The following NRG1 variants were observed in gnomAD, a reference collection of about 807,000 sequenced individuals.
NRG1 encodes pro-neuregulin-1, membrane-bound isoform.
Under a neutral mutation model 63.8 loss-of-function variants are expected in NRG1, and 18 were observed. The observed-to-expected ratio is 0.28, with a 90% CI of 0.19 to 0.42. The LOEUF (loss-of-function observed/expected upper bound fraction) is 0.42, where lower values mean the gene tolerates loss of function less well. Ranked by LOEUF, NRG1 falls within the 10% of genes least tolerant of loss-of-function variation. The probability of loss-of-function intolerance (pLI) is 1.00; values close to 1 mark genes in which losing one functional copy is unlikely to be tolerated. For missense variants in NRG1, 762 were observed against 814.7 expected, an observed-to-expected ratio of 0.94 and a Z score of 0.79; for synonymous variants, 302 against 301.3, an observed-to-expected ratio of 1.00 and a Z score of -0.02.
intron 1 of NRG1, among the ~76,000 whole-genome samples, chr8:32,401,015 A>G (rs919756701): frequency 6.6e-6 from 1 of 152,198 alleles, no homozygotes; most frequent in South Asian, 2.1e-4. Flanking sequence ...GCTGGAGGCC[A>G]TTATCCTAAG....
At chr8:32,032,566 A>G (rs1270938051) in intron 1 of NRG1, among the ~76,000 whole-genome samples, 1 of 152,192 alleles carries the variant, frequency 6.6e-6, no homozygotes, top group East Asian at 1.9e-4. Flanking sequence ...TCACTCAGCC[A>G]TGAATATCTT....
intron 1 of NRG1, among the ~76,000 whole-genome samples, chr8:32,572,303 A>G (rs1055762323): frequency 6.6e-6 from 1 of 152,208 alleles, no homozygotes; most frequent in African/African-American, 2.4e-5. Flanking sequence ...TTTTATAAGC[A>G]ATGTGAATGA....
At chr8:32,465,726 G>C (rs11778359) in intron 1 of NRG1, among the ~76,000 whole-genome samples, 1 of 149,570 alleles carries the variant, frequency 6.7e-6, no homozygotes, top group African/African-American at 2.4e-5. Context: ...CTGAAGAGAA[G>C]TATTCAGGAA....
intron 1 of NRG1, among the ~76,000 whole-genome samples, chr8:31,680,186 A>G (rs942353504): frequency 7.9e-5 from 12 of 151,944 alleles, no homozygotes; most frequent in Non-Finnish European, 1.5e-4. Flanking sequence ...ACATGTGCAC[A>G]ATGTGCAGGT....
chr8:32,421,472 G>A (rs964354885), intron 1 of NRG1, among the ~76,000 whole-genome samples: 5 of 152,160 alleles, frequency 3.3e-5, no homozygotes, highest in African/African-American at 1.2e-4. Context: ...TCACAGGCAC[G>A]CCGCATGATG....
In NRG1 at chr8:31,913,100, G is replaced by T. The variant is rs188746432; in HGVS notation, c.37+273669G>T. Among the ~76,000 whole-genome samples, 24 of 152,246 alleles carry T rather than the reference G, an allele frequency of 1.6e-4. No individual in the cohort carries two copies. The East Asian group carries it at 4.6e-3, about 29-fold the overall frequency. ...CCTCTTTTGCTAATTGGGCACTGAG[G>T]TTTAAAGAGGTTAAGTTAATTTCTC... is the stretch of plus-strand genomic sequence containing the variant. On this transcript the variant is annotated intron_variant, in intron 1 of 10. Transcript: ENST00000519301.
intron 1 of NRG1, among the ~76,000 whole-genome samples, chr8:32,389,692 A>C (rs1460809193): frequency 6.6e-6 from 1 of 151,656 alleles, no homozygotes; most frequent in South Asian, 2.1e-4. Context: ...AATCAGAGTG[A>C]TATTGCTTCC....
At chr8:32,202,212 A>G (rs906419088) in intron 1 of NRG1, among the ~76,000 whole-genome samples, 15 of 152,346 alleles carry the variant, frequency 9.8e-5, no homozygotes, top group Admixed American at 8.5e-4. Context: ...AAAAGGAAAA[A>G]AAGAGGTTAG....
chr8:31,692,887 T>C (rs1809671894), intron 1 of NRG1, among the ~76,000 whole-genome samples: 1 of 152,202 alleles, frequency 6.6e-6, no homozygotes, highest in South Asian at 2.1e-4. Context: ...ACAATGCTCA[T>C]CTTAAAACCG....
chr8:31,945,967 C>A (rs74984473), intron 1 of NRG1, among the ~76,000 whole-genome samples: 131 of 152,300 alleles, frequency 8.6e-4, no homozygotes, highest in African/African-American at 3.1e-3. Flanking sequence ...GAAGAGAAGA[C>A]CTTCTGCAGA....
intron 1 of NRG1, among the ~76,000 whole-genome samples, chr8:32,481,932 TG>T (rs367626295): frequency 1.3e-5 from 2 of 152,194 alleles, no homozygotes; most frequent in African/African-American, 4.8e-5. Context: ...GACCTCTAAC[TG>T]GGACTGAAAG....
At chr8:32,572,483 G>A (rs1315151414) in intron 1 of NRG1, among the ~76,000 whole-genome samples, 3 of 152,138 alleles carry the variant, frequency 2.0e-5, no homozygotes, top group African/African-American at 4.8e-5. Flanking sequence ...TCCCGTCACA[G>A]TTCTAATCCT....
intron 1 of NRG1, among the ~76,000 whole-genome samples, chr8:32,347,125 G>A (rs914107422): frequency 2.6e-5 from 4 of 151,960 alleles, no homozygotes; most frequent in Non-Finnish European, 4.4e-5. Flanking sequence ...CACCGTGCCC[G>A]GCCAAGCATT....
At chr8:32,191,238 C>T (rs1041498923) in intron 1 of NRG1, among the ~76,000 whole-genome samples, 15 of 152,108 alleles carry the variant, frequency 9.9e-5, no homozygotes, top group Admixed American at 4.6e-4. Context: ...GCACCCACCA[C>T]CATGCCTGGC....
At chr8:32,156,617 A>G (rs1267436022) in intron 1 of NRG1, among the ~76,000 whole-genome samples, 2 of 152,258 alleles carry the variant, frequency 1.3e-5, no homozygotes, top group African/African-American at 4.8e-5. Flanking sequence ...ATTCCCTCAT[A>G]TATGTGGTTG....
chr8:32,423,493 A>T (rs553251342), intron 1 of NRG1, among the ~76,000 whole-genome samples: 1 of 152,128 alleles, frequency 6.6e-6, no homozygotes, highest in Non-Finnish European at 1.5e-5. Flanking sequence ...AAAATACAAA[A>T]AATTAGCCGG....
chr8:32,302,525 G>A (rs1855696569), intron 1 of NRG1, among the ~76,000 whole-genome samples: 1 of 151,086 alleles, frequency 6.6e-6, no homozygotes, highest in African/African-American at 2.4e-5. Context: ...ATTGTGTGAT[G>A]TAACCATATG....
chr8:31,898,147 T>C (rs964289270), intron 1 of NRG1, among the ~76,000 whole-genome samples: 1 of 152,222 alleles, frequency 6.6e-6, no homozygotes, highest in Non-Finnish European at 1.5e-5. Context: ...TGATGTCTTA[T>C]ATCTCCCTAA....
At chr8:32,379,542 G>A (rs1197025558) in intron 1 of NRG1, among the ~76,000 whole-genome samples, 1 of 152,172 alleles carries the variant, frequency 6.6e-6, no homozygotes, top group Non-Finnish European at 1.5e-5. Context: ...TCTGGTAGGG[G>A]TAATTGCATA....
Sources: gnomAD v4.1 joint callset for allele counts (sites outside exome capture counted in the v4.1 genomes callset) on GRCh38, gnomAD v4.1.1 for gene constraint, MANE v1.5 for transcripts, NCBI Gene and HGNC (gene_info 2026-07-23, HGNC 2026-07-21) for gene names.